The following HTR3B variants were observed in gnomAD, a reference collection of about 807,000 sequenced individuals.
The protein encoded by HTR3B is 5-hydroxytryptamine (serotonin) receptor 3B, ionotropic.
A neutral mutation model predicts 42.8 loss-of-function variants in HTR3B; 44 were observed. The ratio of observed to expected loss-of-function variants is 1.03; its 90% CI spans 0.81 to 1.32. The LOEUF is 1.32. Among genes scored for constraint, HTR3B ranks in the 40% most tolerant of loss-of-function variants. HTR3B has a pLI of 0.00. For synonymous variants in HTR3B, 203 were observed against 209.0 expected (o/e 0.97, Z 0.25); for missense variants, 527 against 536.5 (o/e 0.98, Z 0.17).
At chr11:113,901,927 A>G (rs1949700026), upstream of HTR3B, among the ~76,000 whole-genome samples, 1 of 152,212 alleles carries the variant, frequency 6.6e-6, no homozygotes, top group African/African-American at 2.4e-5. Context: ...TGCTACCTAC[A>G]TAGCTATATT....
At chr11:113,916,528 C>T (rs1949855993) in intron 2 of HTR3B, among the ~76,000 whole-genome samples, 1 of 152,010 alleles carries the variant, frequency 6.6e-6, no homozygotes, top group South Asian at 2.1e-4. Flanking sequence ...TTTAACTTTT[C>T]TAGGTTGTTT....
rs1271070319 is a variant in HTR3B at position 113,947,641 on chromosome 11, G to A, written c.*1504G>A. On this transcript the variant is annotated 3_prime_UTR_variant, in exon 9 of 9. Transcript: ENST00000260191. ...GTGTCCAGATTTTCTCTTCTAACAA[G>A]GGCACCAGTGTTGTTGGTTTAGGGT... Among the ~76,000 whole-genome samples, 2 of 152,102 alleles carry A rather than the reference G, an allele frequency of 1.3e-5. No individual in the cohort carries two copies. The highest frequency in any genetic ancestry group is 2.9e-5 in the Non-Finnish European group (2 of 68,022).
chr11:113,914,473 A>C (rs1949832360), intron 2 of HTR3B, among the ~76,000 whole-genome samples: 1 of 152,042 alleles, frequency 6.6e-6, no homozygotes, highest in East Asian at 1.9e-4. Flanking sequence ...TCAAAAAAAA[A>C]AAATTAAATT....
chr11:113,920,007 C>A (rs1293298732), intron 2 of HTR3B, among the ~76,000 whole-genome samples: 2 of 150,976 alleles, frequency 1.3e-5, no homozygotes, highest in African/African-American at 4.9e-5. Flanking sequence ...CTAAAAATTC[C>A]TTTATTATTT....
chr11:113,928,218 C>CT (rs1174645802), intron 2 of HTR3B, among the ~76,000 whole-genome samples: 7 of 152,024 alleles, frequency 4.6e-5, no homozygotes, highest in African/African-American at 1.5e-4. Flanking sequence ...TGATCTCATT[C>CT]TTTTTTTTAT....
At chr11:113,909,035 T>C in intron 1 of HTR3B, 2 of 559,200 alleles carry the variant, frequency 3.6e-6, no homozygotes, top group Non-Finnish European at 6.2e-6. Flanking sequence ...AAAATGGAAT[T>C]GTAGGTACAG....
chr11:113,932,593 T>C (rs886395818), intron 5 of HTR3B, 135 bp downstream of exon 5: 2 of 780,132 alleles, frequency 2.6e-6, no homozygotes, highest in Admixed American at 2.8e-5. Context: ...TGCGGTTTTT[T>C]GGCTCCTGCT....
chr11:113,930,567 C>T (rs1950024501), intron 2 of HTR3B, among the ~76,000 whole-genome samples: 1 of 147,756 alleles, frequency 6.8e-6, no homozygotes, highest in South Asian at 2.1e-4. Context: ...TGGCCCACTG[C>T]AATCTTGACC....
intron 2 of HTR3B, among the ~76,000 whole-genome samples, chr11:113,910,823 GTTTTC>G (rs1465351884): frequency 3.6e-5 from 5 of 140,038 alleles, no homozygotes; most frequent in Non-Finnish European, 6.1e-5. Flanking sequence ...CTCAAAAATT[GTTTTC>G]TTTTCTTTTT....
chr11:113,912,116 T>A (rs1172666723), intron 2 of HTR3B, among the ~76,000 whole-genome samples: 1 of 152,252 alleles, frequency 6.6e-6, no homozygotes, highest in Non-Finnish European at 1.5e-5. Flanking sequence ...TATGGCTATA[T>A]CATGATTTGT....
At chr11:113,913,969 T>C (rs1439005076) in intron 2 of HTR3B, among the ~76,000 whole-genome samples, 3 of 152,114 alleles carry the variant, frequency 2.0e-5, no homozygotes, top group Non-Finnish European at 4.4e-5. Flanking sequence ...CATGCTACGA[T>C]GCAGTGAGGA....
At chr11:113,915,195 T>TTTGTTTG (rs112992340) in intron 2 of HTR3B, among the ~76,000 whole-genome samples, 5,463 of 152,098 alleles carry the variant, frequency 0.036, 413 homozygotes, top group East Asian at 0.29. Context: ...AATTTTTTTG[T>TTTGTTTG]TTGTTTGTTT....
At chr11:113,900,381 T>A (rs1949689565), upstream of HTR3B, among the ~76,000 whole-genome samples, 1 of 152,186 alleles carries the variant, frequency 6.6e-6, no homozygotes, top group Admixed American at 6.5e-5. Context: ...AAGGATGATG[T>A]CTGGGGAATT....
intron 2 of HTR3B, among the ~76,000 whole-genome samples, chr11:113,921,888 C>T (rs1949918923): frequency 1.3e-5 from 2 of 152,160 alleles, no homozygotes; most frequent in South Asian, 4.1e-4. Flanking sequence ...CTATGTTAGA[C>T]ATGTCATCAT....
At chr11:113,932,908 G>A (rs1054448689) in intron 5 of HTR3B, 28 bp from the exon 6 acceptor site, 2 of 1,607,090 alleles carry the variant, frequency 1.2e-6, no homozygotes, top group East Asian at 2.2e-5. Context: ...TTCTCTCTGG[G>A]AAAGTCAATT....
At chr11:113,917,351 T>C (rs1949865296) in intron 2 of HTR3B, among the ~76,000 whole-genome samples, 1 of 152,060 alleles carries the variant, frequency 6.6e-6, no homozygotes, top group Admixed American at 6.6e-5. Flanking sequence ...CAGGCTGGTC[T>C]TGAACTCCTG....
chr11:113,905,367 A>T (rs1292660048), intron 1 of HTR3B, among the ~76,000 whole-genome samples: 1 of 152,186 alleles, frequency 6.6e-6, no homozygotes, highest in Non-Finnish European at 1.5e-5. Flanking sequence ...TATCCAAAAT[A>T]GTCTTGGCTT....
At chr11:113,918,484 T>C (rs1949878845) in intron 2 of HTR3B, among the ~76,000 whole-genome samples, 1 of 152,068 alleles carries the variant, frequency 6.6e-6, no homozygotes, top group Non-Finnish European at 1.5e-5. Flanking sequence ...TTCAAGAATA[T>C]TATATAAATG....
intron 2 of HTR3B, among the ~76,000 whole-genome samples, chr11:113,922,855 A>C (rs1390149823): frequency 6.6e-6 from 1 of 152,184 alleles, no homozygotes; most frequent in East Asian, 1.9e-4. Context: ...GCGCCCGGCA[A>C]GTCTGTGTAT....
Sources: gnomAD v4.1 joint callset for allele counts (sites outside exome capture counted in the v4.1 genomes callset) on GRCh38, gnomAD v4.1.1 for gene constraint, MANE v1.5 for transcripts, NCBI Gene and HGNC (gene_info 2026-07-23, HGNC 2026-07-21) for gene names.